The following KDM4C variants were observed in gnomAD, a reference collection of about 807,000 sequenced individuals.
KDM4C encodes lysine demethylase 4C.
Under a neutral mutation model 129.3 loss-of-function variants are expected in KDM4C, and 81 were observed. That is an observed-to-expected ratio of 0.63 (90% confidence interval 0.52 to 0.75). KDM4C has a LOEUF of 0.75. KDM4C is among the 30% of genes least tolerant of loss of function. KDM4C has a pLI of 0.00. For synonymous variants in KDM4C, 573 were observed against 456.1 expected, an observed-to-expected ratio of 1.26 and a Z score of -3.26; for missense variants, 1,457 against 1,304.0, an observed-to-expected ratio of 1.12 and a Z score of -1.81.
chr9:6,890,794 A>C (rs1846011332), intron 7 of KDM4C, among the ~76,000 whole-genome samples: 1 of 152,134 alleles, frequency 6.6e-6, no homozygotes, highest in South Asian at 2.1e-4. Context: ...TTGTTTCATT[A>C]CGTAGGATAA....
chr9:6,931,959 C>T (rs1823823228), intron 8 of KDM4C, among the ~76,000 whole-genome samples: 1 of 152,174 alleles, frequency 6.6e-6, no homozygotes, highest in African/African-American at 2.4e-5. Flanking sequence ...GGTCAGTGCC[C>T]TGGCTGTGCC....
intron 7 of KDM4C, among the ~76,000 whole-genome samples, chr9:6,889,250 T>TGTGTGTGGG (rs1554627898): frequency 3.5e-5 from 1 of 28,214 alleles, no homozygotes; most frequent in African/African-American, 1.1e-4. Context: ...TGTGTGTGTG[T>TGTGTGTGGG]GGGAGGGTGG....
intron 8 of KDM4C, among the ~76,000 whole-genome samples, chr9:6,944,652 G>GTTTTTTGTTT (rs1826559628): frequency 1.2e-5 from 1 of 80,990 alleles, no homozygotes; most frequent in Non-Finnish European, 2.2e-5. Context: ...CAAGGTAGAG[G>GTTTTTTGTTT]TTTTTTTTTT....
intron 18 of KDM4C, among the ~76,000 whole-genome samples, chr9:7,116,929 T>A (rs1838963540): frequency 6.6e-6 from 1 of 152,206 alleles, no homozygotes. Context: ...AGTGTATCAA[T>A]GTAGATAAGA....
intron 8 of KDM4C, among the ~76,000 whole-genome samples, chr9:6,954,587 T>C (rs1475701005): frequency 1.3e-5 from 2 of 152,312 alleles, no homozygotes; most frequent in South Asian, 2.1e-4. Flanking sequence ...AAAATTCTTA[T>C]ATATGTTAAT....
intron 17 of KDM4C, chr9:7,076,800 C>G: frequency 1.9e-6 from 2 of 1,044,038 alleles, no homozygotes; most frequent in South Asian, 4.1e-5. Context: ...TGATTTAGTC[C>G]AACGTGTCCT....
At chr9:6,883,470 T>G (rs940737537) in intron 6 of KDM4C, among the ~76,000 whole-genome samples, 8 of 152,150 alleles carry the variant, frequency 5.3e-5, no homozygotes, top group African/African-American at 1.9e-4. Flanking sequence ...GAAGAAACGG[T>G]TGGTAAACTT....
intron 8 of KDM4C, chr9:6,893,625 T>G (rs570723295): frequency 2.0e-3 from 301 of 154,320 alleles, no homozygotes; most frequent in African/African-American, 6.9e-3. Context: ...CAGAAGGGAG[T>G]GTCTGATAAA....
intron 18 of KDM4C, among the ~76,000 whole-genome samples, chr9:7,114,642 G>A (rs1261503443): frequency 6.6e-6 from 1 of 152,176 alleles, no homozygotes; most frequent in African/African-American, 2.4e-5. Context: ...GCATTTTGGT[G>A]TAGGTGTTTG....
intron 8 of KDM4C, among the ~76,000 whole-genome samples, chr9:6,957,289 A>T (rs562377283): frequency 1.3e-5 from 2 of 152,058 alleles, no homozygotes; most frequent in African/African-American, 4.8e-5. Context: ...GTCCTTTTCT[A>T]TGTTTCATTA....
chr9:6,753,926 G>A (rs973952499), upstream of KDM4C, among the ~76,000 whole-genome samples: 1 of 133,006 alleles, frequency 7.5e-6, no homozygotes, highest in African/African-American at 2.9e-5. Flanking sequence ...CCAGGCTGGA[G>A]TGCAGTGGCA....
At chr9:6,864,126 G>GT (rs920840533) in intron 5 of KDM4C, among the ~76,000 whole-genome samples, 2 of 152,176 alleles carry the variant, frequency 1.3e-5, no homozygotes, top group East Asian at 1.9e-4. Flanking sequence ...ATGTTAGTGG[G>GT]TTTTTTCCCC....
intron 4 of KDM4C, among the ~76,000 whole-genome samples, chr9:6,826,902 T>C (rs1833979242): frequency 6.6e-6 from 1 of 152,108 alleles, no homozygotes. Context: ...TTATTTTTAT[T>C]GTTTTTATTG....
At chr9:7,069,858 G>T (rs973968584) in intron 17 of KDM4C, among the ~76,000 whole-genome samples, 1 of 152,182 alleles carries the variant, frequency 6.6e-6, no homozygotes, top group African/African-American at 2.4e-5. Context: ...ACATGAGGTG[G>T]ACTAATTGAG....
At chr9:6,940,809 A>G (rs1217702138) in intron 8 of KDM4C, among the ~76,000 whole-genome samples, 1 of 152,230 alleles carries the variant, frequency 6.6e-6, no homozygotes, top group Non-Finnish European at 1.5e-5. Context: ...CATTTAATTT[A>G]GGATAATGTA....
intron 1 of KDM4C, among the ~76,000 whole-genome samples, chr9:6,773,526 CT>C (rs548991978): frequency 2.5e-3 from 378 of 152,224 alleles, no homozygotes; most frequent in Admixed American, 1.4e-3. Flanking sequence ...AATCCCAGCA[CT>C]TTGGGAGGCT....
chr9:6,783,051 G>A (rs1201077027), intron 1 of KDM4C, among the ~76,000 whole-genome samples: 1 of 152,208 alleles, frequency 6.6e-6, no homozygotes, highest in Non-Finnish European at 1.5e-5. Flanking sequence ...TGGCCGTGCA[G>A]TAGAGGATGG....
chr9:7,124,468 A>T (rs536938934), intron 18 of KDM4C, among the ~76,000 whole-genome samples: 2 of 152,104 alleles, frequency 1.3e-5, no homozygotes, highest in South Asian at 2.1e-4. Context: ...ACCTGTAAGA[A>T]GTAGCTGTCA....
At chr9:6,762,317 C>G (rs1819718118) in intron 1 of KDM4C, among the ~76,000 whole-genome samples, 1 of 145,082 alleles carries the variant, frequency 6.9e-6, no homozygotes, top group African/African-American at 2.5e-5. Context: ...TCTCATTGTT[C>G]CTTCTTTTCT....
Sources: allele counts gnomAD v4.1 joint callset (sites outside exome capture counted in the v4.1 genomes callset), GRCh38; gene constraint gnomAD v4.1.1; transcripts MANE v1.5; gene names NCBI Gene and HGNC (gene_info 2026-07-23, HGNC 2026-07-21).